The following GRM5 variants were observed in gnomAD, a reference collection of about 807,000 sequenced individuals.
GRM5 encodes the protein glutamate metabotropic receptor 5.
Under a neutral mutation model 83.1 loss-of-function variants are expected in GRM5, and 19 were observed. The ratio of observed to expected loss-of-function variants is 0.23; its 90% CI spans 0.16 to 0.34. The LOEUF (loss-of-function observed/expected upper bound fraction) is 0.34, where lower values mean the gene tolerates loss of function less well. Among genes scored for constraint, GRM5 ranks in the 10% least tolerant of loss-of-function variants. The pLI is 1.00. For synonymous variants in GRM5, 675 were observed against 633.6 expected, an observed-to-expected ratio of 1.07 and a Z score of -0.98; for missense variants, 1,160 against 1,588.3, an observed-to-expected ratio of 0.73 and a Z score of 4.58.
chr11:88,582,013 C>T (rs1411363704), intron 7 of GRM5, among the ~76,000 whole-genome samples: 2 of 152,178 alleles, frequency 1.3e-5, no homozygotes, highest in African/African-American at 4.8e-5. Flanking sequence ...TCAACGTTTA[C>T]TCCCATCCTA....
intron 3 of GRM5, among the ~76,000 whole-genome samples, chr11:88,845,725 G>GCCCCCC (rs66888159): frequency 3.6e-4 from 53 of 147,306 alleles, no homozygotes; most frequent in African/African-American, 1.4e-3. Flanking sequence ...GAACCACCGC[G>GCCCCCC]CCCCCCCCCA....
At chr11:88,813,459 T>G (rs1943618709) in intron 3 of GRM5, among the ~76,000 whole-genome samples, 1 of 152,178 alleles carries the variant, frequency 6.6e-6, no homozygotes, top group African/African-American at 2.4e-5. Context: ...TCTACTTTAC[T>G]TCAATTTTCT....
chr11:88,614,800 T>C (rs1483232057), intron 4 of GRM5, among the ~76,000 whole-genome samples: 6 of 152,136 alleles, frequency 3.9e-5, no homozygotes, highest in Non-Finnish European at 7.4e-5. Flanking sequence ...GTGAAGTCGA[T>C]TTTCCGTGGT....
chr11:88,636,653 C>T (rs1171440638), intron 4 of GRM5, among the ~76,000 whole-genome samples: 1 of 151,992 alleles, frequency 6.6e-6, no homozygotes, highest in Non-Finnish European at 1.5e-5. Context: ...GAATATTAAG[C>T]CAACCTTACA....
intron 8 of GRM5, among the ~76,000 whole-genome samples, chr11:88,556,377 C>G (rs1262074739): frequency 6.7e-6 from 1 of 148,278 alleles, no homozygotes; most frequent in Non-Finnish European, 1.5e-5. Context: ...GGCTGGAGTG[C>G]AATGGCGCAA....
chr11:88,905,398 C>T (rs1483431097), intron 2 of GRM5, among the ~76,000 whole-genome samples: 3 of 152,130 alleles, frequency 2.0e-5, no homozygotes, highest in Middle Eastern at 3.2e-3. Flanking sequence ...GACTGGAGTG[C>T]AGTGGTGCAA....
intron 8 of GRM5, among the ~76,000 whole-genome samples, chr11:88,530,179 G>C (rs1941975370): frequency 1.3e-5 from 2 of 152,018 alleles, no homozygotes; most frequent in Admixed American, 6.6e-5. Context: ...AACACTGTTA[G>C]TGTAAGCATT....
intron 2 of GRM5, among the ~76,000 whole-genome samples, chr11:89,021,855 C>T (rs1940992933): frequency 1.3e-5 from 2 of 151,940 alleles, no homozygotes; most frequent in African/African-American, 4.8e-5. Flanking sequence ...TATTTTTTTC[C>T]ATAGATATTA....
intron 9 of GRM5, among the ~76,000 whole-genome samples, chr11:88,512,550 A>T (rs529143863): frequency 2.0e-5 from 3 of 152,192 alleles, no homozygotes; most frequent in Non-Finnish European, 4.4e-5. Flanking sequence ...CATTTGATGG[A>T]TGAATAGGAT....
At chr11:88,791,692 TA>T (rs1383830797) in intron 3 of GRM5, among the ~76,000 whole-genome samples, 1 of 152,158 alleles carries the variant, frequency 6.6e-6, no homozygotes, top group Non-Finnish European at 1.5e-5. Flanking sequence ...CAAGTGCTAT[TA>T]AATAAAGGAC....
At chr11:88,743,152 T>C (rs1942062388) in intron 3 of GRM5, among the ~76,000 whole-genome samples, 1 of 152,128 alleles carries the variant, frequency 6.6e-6, no homozygotes, top group Admixed American at 6.6e-5. Context: ...GCATGGGCTA[T>C]TACAGCAGGA....
At chr11:88,943,090 G>T (rs1258609904) in intron 2 of GRM5, among the ~76,000 whole-genome samples, 2 of 152,074 alleles carry the variant, frequency 1.3e-5, no homozygotes, top group African/African-American at 4.8e-5. Context: ...CTGAGGCTTA[G>T]AGAGATTAAC....
At chr11:88,982,721 G>C in intron 2 of GRM5, among the ~76,000 whole-genome samples, 2 of 152,076 alleles carry the variant, frequency 1.3e-5, no homozygotes, top group Admixed American at 1.3e-4. Flanking sequence ...AATTATAGAG[G>C]AATATTAATT....
intron 9 of GRM5, among the ~76,000 whole-genome samples, chr11:88,517,510 A>T (rs1941554752): frequency 6.6e-6 from 1 of 152,176 alleles, no homozygotes; most frequent in Non-Finnish European, 1.5e-5. Flanking sequence ...GGGATTAGAT[A>T]AAATGATTGA....
intron 8 of GRM5, among the ~76,000 whole-genome samples, chr11:88,545,434 A>G (rs1204122638): frequency 6.6e-6 from 1 of 151,928 alleles, no homozygotes; most frequent in East Asian, 1.9e-4. Context: ...ATTTAGTCCT[A>G]TTATTATCAA....
intron 9 of GRM5, among the ~76,000 whole-genome samples, chr11:88,511,334 G>T (rs1188215742): frequency 2.0e-5 from 3 of 152,174 alleles, no homozygotes; most frequent in Non-Finnish European, 4.4e-5. Flanking sequence ...GACTGGCCCT[G>T]CAGGATCCAC....
chr11:88,516,709 T>A (rs1941529253), intron 9 of GRM5, among the ~76,000 whole-genome samples: 1 of 119,040 alleles, frequency 8.4e-6, no homozygotes, highest in African/African-American at 3.3e-5. Flanking sequence ...GAAGGAAGTT[T>A]CTTGATTATC....
chr11:88,572,130 G>T (rs1480261198), intron 7 of GRM5, among the ~76,000 whole-genome samples: 2 of 152,162 alleles, frequency 1.3e-5, no homozygotes, highest in African/African-American at 4.8e-5. Flanking sequence ...TGTTTGTACT[G>T]GGTCTGACCT....
At chr11:88,781,197 T>C (rs1942969418) in intron 3 of GRM5, among the ~76,000 whole-genome samples, 2 of 150,962 alleles carry the variant, frequency 1.3e-5, no homozygotes, top group African/African-American at 4.9e-5. Context: ...TTGAAGAGCA[T>C]GTGGGAGAGG....
Sources: gnomAD v4.1 joint callset for allele counts (sites outside exome capture counted in the v4.1 genomes callset) on GRCh38, gnomAD v4.1.1 for gene constraint, MANE v1.5 for transcripts, NCBI Gene and HGNC (gene_info 2026-07-23, HGNC 2026-07-21) for gene names.